The following TMEM74 variants were observed in gnomAD, a reference collection of about 807,000 sequenced individuals.
The protein encoded by TMEM74 is transmembrane protein 74.
Under a neutral mutation model 18.1 loss-of-function variants are expected in TMEM74, and 13 were observed. That is an observed-to-expected ratio of 0.72 (90% confidence interval 0.47 to 1.14). TMEM74 has a LOEUF of 1.14. Ranked by LOEUF, TMEM74 falls within the 50% of genes most tolerant of loss-of-function variation. The pLI, the probability that TMEM74 is intolerant of heterozygous loss-of-function variation, is 0.00. For missense variants in TMEM74, 372 were observed against 375.9 expected, an observed-to-expected ratio of 0.99 and a Z score of 0.09; for synonymous variants, 159 against 146.6, an observed-to-expected ratio of 1.08 and a Z score of -0.61.
chr8:108,741,640 C>T (rs1813801788), intron 1 of TMEM74, among the ~76,000 whole-genome samples: 1 of 152,022 alleles, frequency 6.6e-6, no homozygotes, highest in Admixed American at 6.6e-5. Flanking sequence ...TGTAATATGA[C>T]CTAATCAAAA....
intron 1 of TMEM74, among the ~76,000 whole-genome samples, chr8:108,764,491 C>G (rs1814079506): frequency 6.6e-6 from 1 of 152,068 alleles, no homozygotes; most frequent in Non-Finnish European, 1.5e-5. Flanking sequence ...AGAGTAAATT[C>G]CTGGATGCCA....
At chr8:108,756,902 A>G (rs1813982086) in intron 1 of TMEM74, among the ~76,000 whole-genome samples, 2 of 152,052 alleles carry the variant, frequency 1.3e-5, no homozygotes, top group South Asian at 2.1e-4. Flanking sequence ...TACACATTGC[A>G]GGAACTGCAA....
intron 1 of TMEM74, among the ~76,000 whole-genome samples, chr8:108,689,903 T>A (rs534420119): frequency 7.9e-5 from 12 of 152,298 alleles, no homozygotes; most frequent in African/African-American, 2.9e-4. Flanking sequence ...GCCACAGTAT[T>A]GTTTTTCTCT....
chr8:108,678,531 T>A (rs892061801), intron 1 of TMEM74, among the ~76,000 whole-genome samples: 1 of 88,156 alleles, frequency 1.1e-5, no homozygotes. Flanking sequence ...CACCCAGCTA[T>A]TTTTTTTTTT....
chr8:108,718,235 G>A (rs927694486), intron 1 of TMEM74, among the ~76,000 whole-genome samples: 1 of 71,130 alleles, frequency 1.4e-5, no homozygotes, highest in Non-Finnish European at 2.2e-5. Context: ...TGGGATTACA[G>A]GCGTGAGCCA....
intron 1 of TMEM74, among the ~76,000 whole-genome samples, chr8:108,756,631 G>A (rs1448011296): frequency 1.2e-3 from 87 of 69,952 alleles, no homozygotes; most frequent in African/African-American, 4.1e-3. Flanking sequence ...AGGAAGGAAG[G>A]AAGGAAGGAA....
intron 1 of TMEM74, among the ~76,000 whole-genome samples, chr8:108,762,279 CA>C (rs1378829374): frequency 6.6e-6 from 1 of 152,066 alleles, no homozygotes; most frequent in Admixed American, 6.6e-5. Context: ...TTCCAGCTTC[CA>C]ACATGCTGGG....
At chr8:108,607,403 A>C (rs946880365) in exon 4 of TMEM74, 1 of 152,224 alleles carries the variant, frequency 6.6e-6, no homozygotes, top group African/African-American at 2.4e-5. Context: ...AAATGAATAA[A>C]CCAACCACTT....
downstream of TMEM74, among the ~76,000 whole-genome samples, chr8:108,774,034 C>T (rs1814201711): frequency 6.6e-6 from 1 of 152,110 alleles, no homozygotes; most frequent in African/African-American, 2.4e-5. Context: ...AAGATTTTAC[C>T]ATGAGATACT....
At chr8:108,718,111 A>G (rs1475951881) in intron 1 of TMEM74, among the ~76,000 whole-genome samples, 1 of 110,442 alleles carries the variant, frequency 9.1e-6, no homozygotes, top group Non-Finnish European at 1.6e-5. Flanking sequence ...GGCGCCCGCC[A>G]CTACGCCCGG....
At chr8:108,620,243 G>T (rs935779055) in intron 2 of TMEM74, among the ~76,000 whole-genome samples, 3 of 151,980 alleles carry the variant, frequency 2.0e-5, no homozygotes, top group African/African-American at 7.3e-5. Context: ...GAAGAATCTG[G>T]CAGATAATGG....
chr8:108,756,283 A>T (rs1035512877), intron 1 of TMEM74, among the ~76,000 whole-genome samples: 1 of 151,960 alleles, frequency 6.6e-6, no homozygotes, highest in South Asian at 2.1e-4. Context: ...AAAGTATCTG[A>T]TTCTACAGAA....
intron 2 of TMEM74, among the ~76,000 whole-genome samples, chr8:108,648,207 G>A (rs1380029443): frequency 6.6e-6 from 1 of 152,044 alleles, no homozygotes; most frequent in Non-Finnish European, 1.5e-5. Flanking sequence ...GGGTGGCCAT[G>A]TGACTTGTTT....
chr8:108,764,863 A>G (rs1294137475), intron 1 of TMEM74, among the ~76,000 whole-genome samples: 1 of 152,182 alleles, frequency 6.6e-6, no homozygotes, highest in Non-Finnish European at 1.5e-5. Context: ...AAGGAATAAG[A>G]TTAGTCCCAG....
intron 1 of TMEM74, among the ~76,000 whole-genome samples, chr8:108,684,728 ATC>A (rs1455067951): frequency 1.5e-4 from 22 of 145,772 alleles, no homozygotes; most frequent in Non-Finnish European, 2.1e-4. Flanking sequence ...CTTATATTGT[ATC>A]TTTGATCCAT....
chr8:108,756,584 GAAA>G (rs1318030302), intron 1 of TMEM74, among the ~76,000 whole-genome samples: 347 of 108,702 alleles, frequency 3.2e-3, no homozygotes, highest in African/African-American at 6.3e-3. Context: ...AAGAAAGAAA[GAAA>G]GAAAGAAAGA....
intron 1 of TMEM74, among the ~76,000 whole-genome samples, chr8:108,657,861 T>TATATATAC (rs1812855666): frequency 2.3e-5 from 1 of 43,246 alleles, no homozygotes; most frequent in African/African-American, 1.1e-4. Context: ...AAAAAAAAAA[T>TATATATAC]ATATATATAT....
exon 4 of TMEM74, chr8:108,607,128 A>G (rs1438616530): frequency 6.6e-6 from 1 of 152,156 alleles, no homozygotes; most frequent in Non-Finnish European, 1.5e-5. Context: ...ATGTGATCAC[A>G]CTTCAACCCT....
intron 1 of TMEM74, among the ~76,000 whole-genome samples, chr8:108,711,653 C>G (rs1249388249): frequency 6.6e-6 from 1 of 152,170 alleles, no homozygotes. Context: ...GGCAAGGCCA[C>G]TGGGGAGTCC....
Sources: allele counts gnomAD v4.1 joint callset (sites outside exome capture counted in the v4.1 genomes callset), GRCh38; gene constraint gnomAD v4.1.1; transcripts MANE v1.5; gene names NCBI Gene and HGNC (gene_info 2026-07-23, HGNC 2026-07-21).